PTOV1: variants seen among roughly 807,000 people sequenced by gnomAD.
The protein encoded by PTOV1 is PTOV1 extended AT-hook containing adaptor protein.
A neutral mutation model predicts 58.0 loss-of-function variants in PTOV1; 20 were observed. The observed-to-expected ratio is 0.34, with a 90% CI of 0.24 to 0.50. The LOEUF is 0.50. PTOV1 is among the 20% of genes least tolerant of loss of function. The pLI is 0.98. For synonymous variants in PTOV1, 335 were observed against 234.2 expected (o/e 1.43, Z -3.93); for missense variants, 593 against 565.4 (o/e 1.05, Z -0.50).
rs753338524 is a variant in PTOV1 at position 49,854,626 on chromosome 19, C to T, written c.310-26C>T. 6.2e-6 allele frequency: 10 copies of T among 1,613,304 alleles called. No individual in the cohort carries two copies. In the South Asian group the frequency reaches 1.1e-4, roughly 18 times the overall value. ...CAGGCCAGGGCATCTAGGCTGTGCA[C>T]AGTGACGCCCCTCCTGCCCCCACAG... On this transcript the variant is annotated intron_variant, in intron 2 of 11. Transcript: ENST00000391842.
chr19:49,859,142 C>T (rs917545185), intron 10 of PTOV1: 5 of 154,448 alleles, frequency 3.2e-5, no homozygotes, highest in African/African-American at 1.2e-4. Context: ...TGAGCCCTCC[C>T]CCCGATGTCC....
chr19:49,855,696 G>C, intron 5 of PTOV1: 2 of 157,278 alleles, frequency 1.3e-5, no homozygotes, highest in East Asian at 1.9e-4. Context: ...AGCACTCCAG[G>C]GTTGGGCTGG....
chr19:49,851,601 T>G, intron 1 of PTOV1, 102 bp downstream of exon 1: 1 of 995,806 alleles, frequency 1.0e-6, no homozygotes. Context: ...CTCCGGGGTG[T>G]CCCCTGTGGC....
intron 1 of PTOV1, among the ~76,000 whole-genome samples, chr19:49,853,867 A>G (rs1374602558): frequency 6.6e-6 from 1 of 152,144 alleles, no homozygotes; most frequent in Non-Finnish European, 1.5e-5. Context: ...CAGACTTATA[A>G]GGCCAGAGAG....
rs942345874 is a variant in PTOV1, at chr19:49,851,799, G to T, written c.171+300G>T. 106 of 1,033,094 alleles carry T rather than the reference G, an allele frequency of 1.0e-4. 1 individual carries two copies. The highest frequency in any genetic ancestry group is 1.2e-4 in the Non-Finnish European group (104 of 861,016). The allele number at this position is 1,033,094 out of a possible 1,614,324, so 64.0% of individuals were successfully genotyped here. A position where few individuals can be genotyped will look rare whatever the true frequency, so the allele number is the denominator to read the frequency against. ...GGCTGGGGGCGGCAGACAGGCAGCCGGCACGCTCGCTTGTTTTTCCTATTG... is the reference window on the plus strand; with the variant it reads ...GGCTGGGGGCGGCAGACAGGCAGCCTGCACGCTCGCTTGTTTTTCCTATTG... On this transcript the variant is annotated intron_variant, in intron 1 of 11. Transcript: ENST00000391842.
chr19:49,859,732 C>A, intron 10 of PTOV1: 1 of 561,738 alleles, frequency 1.8e-6, no homozygotes, highest in Non-Finnish European at 3.2e-6. Flanking sequence ...CAGACACAGC[C>A]TGGCCTGCCC....
intron 1 of PTOV1, among the ~76,000 whole-genome samples, chr19:49,854,073 T>C (rs1160719186): frequency 6.6e-6 from 1 of 152,172 alleles, no homozygotes; most frequent in Non-Finnish European, 1.5e-5. Context: ...ACAGCTGGCT[T>C]CTAACTTGGG....
intron 5 of PTOV1, 198 bp from the exon 6 acceptor site, chr19:49,856,777 C>T (rs2074487045): frequency 3.2e-6 from 2 of 631,338 alleles, no homozygotes; most frequent in Non-Finnish European, 5.3e-6. Context: ...CTGACCTCAG[C>T]CATGGCAGGG....
At chr19:49,854,301 G>T in intron 1 of PTOV1, 105 bp from the exon 2 acceptor site, 2 of 1,457,328 alleles carry the variant, frequency 1.4e-6, no homozygotes, top group Non-Finnish European at 1.9e-6. Flanking sequence ...TCCAGCAGGG[G>T]ATTTGGGGCT....
In PTOV1 at chr19:49,857,166, G is replaced by A. The variant is rs758090975; in HGVS notation, c.714+36G>A. 3.7e-6 allele frequency: 6 copies of A among 1,612,452 alleles called. No individual in the cohort carries two copies. In the African/African-American group the frequency reaches 4.0e-5, roughly 11 times the overall value. On this transcript the variant is annotated intron_variant, in intron 6 of 11. Transcript: ENST00000391842. ...CAAGCACAGCCCCTCTGGGGACAGA[G>A]GGGGATTAGACCCCACTGCCCTGGT...
chr19:49,851,265 G>A (rs1190522074), exon 1 of PTOV1: 3 of 1,097,218 alleles, frequency 2.7e-6, no homozygotes. Flanking sequence ...CCCCTCAGTC[G>A]GTGGAGCCCG....
Position 49,858,415 on chromosome 19 carries a change from G to A in PTOV1, c.937-134G>A, listed in dbSNP as rs975998092. ...CCAGGGTTGGGCTGGTTGAGCGGTG[G>A]AGATGACGTTTCCTGAGGTAGGGAG... On this transcript the variant is annotated intron_variant, in intron 9 of 11. Transcript: ENST00000391842. 22 of 739,904 alleles carry A rather than the reference G, an allele frequency of 3.0e-5. No individual in the cohort carries two copies. In the East Asian group the frequency reaches 5.4e-4, roughly 18 times the overall value. 45.8% of individuals were successfully genotyped at this position (739,904 alleles called of 1,614,324 possible). A position where few individuals can be genotyped will look rare whatever the true frequency, so the allele number is the denominator to read the frequency against.
intron 6 of PTOV1, 29 bp from the exon 7 acceptor site, chr19:49,857,664 C>A: frequency 6.2e-7 from 1 of 1,604,124 alleles, no homozygotes; most frequent in South Asian, 1.1e-5. Context: ...AGCCTGGGCC[C>A]CTCTTCCCAC....
chr19:49,858,321 G>A (rs1038540218), intron 9 of PTOV1: 27 of 737,278 alleles, frequency 3.7e-5, no homozygotes, highest in African/African-American at 5.3e-5. Flanking sequence ...GGGACTGAGC[G>A]GGGCAGGGGC....
chr19:49,858,290 C>A, intron 9 of PTOV1, 176 bp downstream of exon 9: 1 of 872,626 alleles, frequency 1.1e-6, no homozygotes, highest in Non-Finnish European at 1.7e-6. Context: ...GGGTCCCAGG[C>A]AGCCAGCTGG....
intron 5 of PTOV1, 74 bp from the exon 6 acceptor site, chr19:49,856,901 G>A: frequency 6.4e-7 from 1 of 1,560,490 alleles, no homozygotes; most frequent in East Asian, 2.2e-5. Context: ...CCCTACAGGT[G>A]GGGCGGTCCA....
chr19:49,855,176 TG>T, intron 5 of PTOV1, 99 bp downstream of exon 5: 1 of 1,224,098 alleles, frequency 8.2e-7, no homozygotes, highest in Non-Finnish European at 1.2e-6. Flanking sequence ...GGGTCTCCCC[TG>T]GGGCCGAGGG....
chr19:49,857,404 C>T (rs914723283), intron 6 of PTOV1: 3 of 606,520 alleles, frequency 4.9e-6, no homozygotes, highest in Non-Finnish European at 8.7e-6. Flanking sequence ...CGTCCTGCGG[C>T]TGGAAGGCCC....
At chr19:49,851,238 G>GCGCGCC (rs1022063717) in exon 1 of PTOV1, 280 of 1,131,240 alleles carry the variant, frequency 2.5e-4, no homozygotes, top group Middle Eastern at 1.1e-3. Flanking sequence ...CCCCGAAGCC[G>GCGCGCC]CGCGCCCGCG....
Sources: allele counts gnomAD v4.1 joint callset (sites outside exome capture counted in the v4.1 genomes callset), GRCh38; gene constraint gnomAD v4.1.1; transcripts MANE v1.5; gene names NCBI Gene and HGNC (gene_info 2026-07-23, HGNC 2026-07-21).